The following IL1RAPL1 variants were observed in gnomAD, a reference collection of about 807,000 sequenced individuals.
The protein encoded by IL1RAPL1 is interleukin-1 receptor accessory protein-like 1.
IL1RAPL1 carries 3 observed loss-of-function variants against 48.4 expected under a neutral mutation model. That is an observed-to-expected ratio of 0.06 (90% CI 0.03 to 0.16). IL1RAPL1 has a LOEUF of 0.16. Among genes scored for constraint, IL1RAPL1 ranks in the 10% least tolerant of loss-of-function variants. IL1RAPL1 has a pLI of 1.00. For synonymous variants in IL1RAPL1, 185 were observed against 187.7 expected (o/e 0.99, Z 0.12); for missense variants, 349 against 530.6 (o/e 0.66, Z 3.36).
intron 6 of IL1RAPL1, among the ~76,000 whole-genome samples, chrX:29,754,342 C>T (rs755881057): frequency 8.7e-4 from 97 of 111,312 alleles, no homozygotes; most frequent in Middle Eastern, 4.6e-3. Flanking sequence ...GAGTTATTCT[C>T]CCTCACAGTC....
intron 1 of IL1RAPL1, among the ~76,000 whole-genome samples, chrX:28,725,864 A>G (rs1329626310): frequency 8.9e-6 from 1 of 112,515 alleles, no homozygotes; most frequent in East Asian, 2.8e-4. Flanking sequence ...TTTTAAGAGC[A>G]AATTTAAAAA....
chrX:29,880,782 T>C (rs1932011124), intron 6 of IL1RAPL1, among the ~76,000 whole-genome samples: 1 of 111,599 alleles, frequency 9.0e-6, no homozygotes, highest in African/African-American at 3.2e-5. Flanking sequence ...ATGTCCTCTT[T>C]GCTGAAGGAG....
chrX:28,789,870 G>T (rs1936515898), intron 2 of IL1RAPL1, among the ~76,000 whole-genome samples: 1 of 111,826 alleles, frequency 8.9e-6, no homozygotes, highest in African/African-American at 3.3e-5. Context: ...AGTATATAAA[G>T]AAAATACTAG....
At position 29,847,822 on chromosome X, in the gene IL1RAPL1, T is replaced by C. The variant is rs760521502; in HGVS notation, c.779-69642T>C. ...AATACAAAAACATGAGATCTAAATA[T>C]CTTTTTTGGTTACTTCCCCGTGCTT... On this transcript the variant is annotated intron_variant, in intron 6 of 10. Transcript: ENST00000378993. Among the ~76,000 whole-genome samples, 5 of 112,176 alleles carry C rather than the reference T, an allele frequency of 4.5e-5. No individual in the cohort carries two copies. The East Asian group carries it at 1.4e-3, about 31-fold the overall frequency.
intron 1 of IL1RAPL1, among the ~76,000 whole-genome samples, chrX:28,705,648 G>T (rs1935366841): frequency 9.0e-6 from 1 of 111,604 alleles, no homozygotes; most frequent in Admixed American, 9.5e-5. Flanking sequence ...TGGCCAACAT[G>T]TAAACAACAA....
chrX:29,189,756 T>C (rs950472147), intron 2 of IL1RAPL1, among the ~76,000 whole-genome samples: 1 of 111,820 alleles, frequency 8.9e-6, no homozygotes, highest in African/African-American at 3.2e-5. Context: ...TCTGGGATAA[T>C]GTGTGATTCA....
intron 6 of IL1RAPL1, among the ~76,000 whole-genome samples, chrX:29,878,277 G>A (rs898752746): frequency 4.5e-5 from 5 of 111,757 alleles, no homozygotes; most frequent in African/African-American, 1.6e-4. Context: ...CATTTCTCTA[G>A]CGTCTTCTAC....
chrX:29,213,666 T>C (rs181207715), intron 2 of IL1RAPL1, among the ~76,000 whole-genome samples: 8 of 112,932 alleles, frequency 7.1e-5, no homozygotes, highest in South Asian at 3.6e-4. Context: ...TGTGCATGCC[T>C]TGGGGCATGG....
At chrX:28,798,312 G>T (rs1024065758) in intron 2 of IL1RAPL1, among the ~76,000 whole-genome samples, 3 of 111,849 alleles carry the variant, frequency 2.7e-5, no homozygotes, top group Non-Finnish European at 5.6e-5. Context: ...AGGGACACTG[G>T]TGTATCAGTA....
intron 1 of IL1RAPL1, among the ~76,000 whole-genome samples, chrX:28,748,035 A>T (rs1054070827): frequency 2.7e-5 from 3 of 112,132 alleles, no homozygotes; most frequent in Non-Finnish European, 5.6e-5. Context: ...GGTTCATCAC[A>T]TATTTTGAGA....
At chrX:29,292,092 G>A (rs974919996) in intron 3 of IL1RAPL1, among the ~76,000 whole-genome samples, 1 of 111,486 alleles carries the variant, frequency 9.0e-6, no homozygotes, top group African/African-American at 3.3e-5. Flanking sequence ...ATCAATATGA[G>A]GTGTTTGTCA....
At chrX:29,263,018 G>T (rs1394919913) in intron 2 of IL1RAPL1, among the ~76,000 whole-genome samples, 3 of 111,706 alleles carry the variant, frequency 2.7e-5, no homozygotes, top group Non-Finnish European at 3.8e-5. Context: ...CATCAATTTA[G>T]AGATGTTATT....
chrX:29,373,867 ATTTTTTTTTTT>A (rs59750110), intron 3 of IL1RAPL1, among the ~76,000 whole-genome samples: 8 of 21,650 alleles, frequency 3.7e-4, no homozygotes, highest in South Asian at 1.7e-3. Context: ...TCTCTTTTTA[ATTTTTTTTTTT>A]TTTTTTTTTT....
chrX:29,246,146 C>T lies in IL1RAPL1; in HGVS notation c.83-36792C>T, dbSNP rs1165616950. Among the ~76,000 whole-genome samples the T allele has an allele frequency of 8.0e-5, 7 of 87,585 alleles. No homozygotes were observed. The East Asian group carries it at 1.8e-3, about 22-fold the overall frequency. 76.1% of individuals were successfully genotyped at this position (87,585 alleles called of 115,157 possible). Reference sequence around the variant, plus strand: ...AATCAGATTTGTTGTCATCTCTCATCGCTCTTTTTTTTTTTTTTTTTTTTT... The same window carrying T: ...AATCAGATTTGTTGTCATCTCTCATTGCTCTTTTTTTTTTTTTTTTTTTTT... On this transcript the variant is annotated intron_variant, in intron 2 of 10. Transcript: ENST00000378993.
chrX:28,816,718 C>T (rs1418469095), intron 2 of IL1RAPL1, among the ~76,000 whole-genome samples: 6 of 110,865 alleles, frequency 5.4e-5, no homozygotes, highest in African/African-American at 1.3e-4. Flanking sequence ...TGCAAATGTC[C>T]TTTTGGTAGA....
At chrX:29,701,934 G>A (rs143692592) in intron 6 of IL1RAPL1, among the ~76,000 whole-genome samples, 72 of 111,434 alleles carry the variant, frequency 6.5e-4, no homozygotes, top group African/African-American at 2.2e-3. Context: ...TGAGCCACAG[G>A]GAAAAAAAGA....
chrX:29,658,247 C>T (rs1429284955), intron 5 of IL1RAPL1, among the ~76,000 whole-genome samples: 1 of 111,208 alleles, frequency 9.0e-6, no homozygotes, highest in African/African-American at 3.3e-5. Flanking sequence ...TGGGATCTGC[C>T]GTGAGTCTTG....
intron 2 of IL1RAPL1, among the ~76,000 whole-genome samples, chrX:29,078,629 A>G (rs1171413228): frequency 8.9e-6 from 1 of 112,373 alleles, no homozygotes; most frequent in Non-Finnish European, 1.9e-5. Flanking sequence ...TTTACTCATG[A>G]TAACAATCTA....
intron 6 of IL1RAPL1, among the ~76,000 whole-genome samples, chrX:29,770,518 C>G (rs1035428892): frequency 4.5e-5 from 5 of 111,848 alleles, no homozygotes; most frequent in African/African-American, 1.6e-4. Context: ...ATCATAAGCT[C>G]TTTCAAGGAT....
Sources: allele counts gnomAD v4.1 joint callset (sites outside exome capture counted in the v4.1 genomes callset), GRCh38; gene constraint gnomAD v4.1.1; transcripts MANE v1.5; gene names NCBI Gene and HGNC (gene_info 2026-07-23, HGNC 2026-07-21).